Variants in TRAPPC8 observed in about 807,000 individuals in gnomAD.
TRAPPC8 encodes the protein trafficking protein particle complex subunit 8, also known as general sporulation gene 1 homolog.
Under a neutral mutation model 174.3 loss-of-function variants are expected in TRAPPC8, and 54 were observed. The observed-to-expected ratio is 0.31, with a 90% confidence interval of 0.25 to 0.39. TRAPPC8 has a LOEUF of 0.39. TRAPPC8 is among the 10% of genes least tolerant of loss of function. The pLI, the probability that TRAPPC8 is intolerant of heterozygous loss-of-function variation, is 1.00. For synonymous variants in TRAPPC8, 630 were observed against 579.9 expected (o/e 1.09, Z -1.24); for missense variants, 1,531 against 1,699.1 (o/e 0.90, Z 1.74).
intron 3 of TRAPPC8, 105 bp from the exon 4 acceptor site, chr18:31,916,551 G>C (rs1397265789): frequency 8.3e-7 from 1 of 1,209,188 alleles, no homozygotes; most frequent in South Asian, 1.7e-5. Context: ...GTTTGTTTCT[G>C]AGACAAAGTC....
intron 4 of TRAPPC8, among the ~76,000 whole-genome samples, chr18:31,914,324 T>C (rs2145522009): frequency 6.6e-6 from 1 of 152,334 alleles, no homozygotes; most frequent in Admixed American, 6.5e-5. Context: ...TGCAGATGCA[T>C]GTGTGTGTAC....
rs557642090 is a variant in TRAPPC8, at chr18:31,835,749, G to A, written c.3983+3563C>T. On this transcript the variant is annotated intron_variant, in intron 27 of 28. Coordinates refer to ENST00000283351, the MANE Select transcript of TRAPPC8 (RefSeq NM_014939.5). Reference sequence around the variant, plus strand: ...AGTTATTCACTCTCTCTGTGGGACTGTGAATCATCCTTGTTGATATGGAAG... The same window carrying A: ...AGTTATTCACTCTCTCTGTGGGACTATGAATCATCCTTGTTGATATGGAAG... Among the ~76,000 whole-genome samples the A allele has an allele frequency of 1.8e-4, 27 of 152,278 alleles. No homozygotes were observed. In the South Asian group the frequency reaches 5.6e-3, roughly 32 times the overall value.
intron 20 of TRAPPC8, among the ~76,000 whole-genome samples, 193 bp from the exon 21 acceptor site, chr18:31,856,000 G>A (rs1423284675): frequency 5.3e-5 from 8 of 152,136 alleles, no homozygotes; most frequent in Non-Finnish European, 1.2e-4. Flanking sequence ...CAATTTGGAA[G>A]GAAACTACTA....
intron 26 of TRAPPC8, chr18:31,844,635 TAGA>T (rs1352067281): frequency 2.7e-5 from 4 of 150,666 alleles, no homozygotes; most frequent in African/African-American, 9.8e-5. Context: ...ACAATGGCCT[TAGA>T]AGAATACCTG....
At chr18:31,906,171 A>T (rs1257183350) in intron 9 of TRAPPC8, among the ~76,000 whole-genome samples, 1 of 139,416 alleles carries the variant, frequency 7.2e-6, no homozygotes, top group Non-Finnish European at 1.5e-5. Flanking sequence ...TATACTAAAA[A>T]TACGAAAAAA....
At chr18:31,925,679 G>A (rs1343852084) in intron 2 of TRAPPC8, among the ~76,000 whole-genome samples, 1 of 152,184 alleles carries the variant, frequency 6.6e-6, no homozygotes, top group Non-Finnish European at 1.5e-5. Flanking sequence ...TGAAAAAGGA[G>A]TTATAAACCC....
intron 12 of TRAPPC8, among the ~76,000 whole-genome samples, chr18:31,879,615 A>G (rs570971925): frequency 6.6e-6 from 1 of 152,134 alleles, no homozygotes; most frequent in Admixed American, 6.5e-5. Context: ...TAAAGATCAG[A>G]GCAGATCTTT....
At chr18:31,929,190 T>TG (rs1425791494) in intron 2 of TRAPPC8, among the ~76,000 whole-genome samples, 204 of 99,280 alleles carry the variant, frequency 2.1e-3, no homozygotes, top group African/African-American at 5.7e-3. Context: ...TCAAAAAAAG[T>TG]GAAAAAAAAA....
At chr18:31,831,323 C>T (rs1162262865) in intron 28 of TRAPPC8, among the ~76,000 whole-genome samples, 1 of 152,120 alleles carries the variant, frequency 6.6e-6, no homozygotes, top group Non-Finnish European at 1.5e-5. Flanking sequence ...TGCACTCCAG[C>T]CCATGAGAGA....
At chr18:31,883,677 G>C (rs2035568985) in intron 12 of TRAPPC8, 1 of 152,242 alleles carries the variant, frequency 6.6e-6, no homozygotes, top group Admixed American at 6.5e-5. Context: ...AAAAAGAAAA[G>C]AGGACTGCAA....
intron 5 of TRAPPC8, among the ~76,000 whole-genome samples, chr18:31,912,262 G>A (rs949067797): frequency 1.3e-5 from 2 of 152,046 alleles, no homozygotes; most frequent in South Asian, 2.1e-4. Flanking sequence ...AGTCTGAGGC[G>A]GACAGATCAC....
chr18:31,852,413 TAACA>T, intron 24 of TRAPPC8, 29 bp downstream of exon 24: 1 of 1,611,266 alleles, frequency 6.2e-7, no homozygotes, highest in Non-Finnish European at 8.5e-7. Flanking sequence ...AACTATGACT[TAACA>T]TCAAACACTA....
intron 18 of TRAPPC8, among the ~76,000 whole-genome samples, chr18:31,866,316 C>A (rs1348777403): frequency 6.6e-6 from 1 of 151,994 alleles, no homozygotes; most frequent in African/African-American, 2.4e-5. Flanking sequence ...ATGTTAAATG[C>A]ACATATCGTG....
intron 12 of TRAPPC8, among the ~76,000 whole-genome samples, chr18:31,886,146 C>T (rs954771184): frequency 6.6e-6 from 1 of 151,380 alleles, no homozygotes; most frequent in African/African-American, 2.4e-5. Flanking sequence ...GCTGGGATTA[C>T]AGGCATGCGC....
intron 2 of TRAPPC8, among the ~76,000 whole-genome samples, chr18:31,919,532 CAAAA>C (rs1467365725): frequency 1.1e-4 from 13 of 119,186 alleles, no homozygotes; most frequent in African/African-American, 2.9e-4. Flanking sequence ...GACTCAGTCT[CAAAA>C]TAAATAAATA....
chr18:31,936,081 G>A (rs2038085198), intron 1 of TRAPPC8, among the ~76,000 whole-genome samples: 1 of 151,954 alleles, frequency 6.6e-6, no homozygotes, highest in Non-Finnish European at 1.5e-5. Flanking sequence ...TTAGCTGGGT[G>A]TGATGGCACA....
At chr18:31,848,148 G>A (rs1157084448) in intron 25 of TRAPPC8, among the ~76,000 whole-genome samples, 1 of 152,026 alleles carries the variant, frequency 6.6e-6, no homozygotes, top group Non-Finnish European at 1.5e-5. Context: ...AAACTTACCA[G>A]GGTACTAGCC....
chr18:31,935,364 C>CAACCAAAAAAAA (rs1555682736), intron 1 of TRAPPC8, among the ~76,000 whole-genome samples: 2 of 108,200 alleles, frequency 1.8e-5, no homozygotes, highest in African/African-American at 3.9e-5. Flanking sequence ...ACAAACAAAC[C>CAACCAAAAAAAA]AAAAAAAAAA....
intron 12 of TRAPPC8, among the ~76,000 whole-genome samples, chr18:31,889,142 G>C (rs1246125027): frequency 4.6e-5 from 7 of 152,140 alleles, no homozygotes; most frequent in Admixed American, 4.6e-4. Flanking sequence ...CTTGGGTTCA[G>C]GGTGTACAGA....
Sources: gnomAD v4.1 joint callset for allele counts (sites outside exome capture counted in the v4.1 genomes callset) on GRCh38, gnomAD v4.1.1 for gene constraint, MANE v1.5 for transcripts, NCBI Gene and HGNC (gene_info 2026-07-23, HGNC 2026-07-21) for gene names.